The following DLG2 variants were observed in gnomAD, a reference collection of about 807,000 sequenced individuals.
DLG2 encodes discs large MAGUK scaffold protein 2, also known as disks large homolog 2.
A neutral mutation model predicts 132.5 loss-of-function variants in DLG2; 45 were observed. The observed-to-expected ratio is 0.34, with a 90% CI of 0.27 to 0.44. The LOEUF (loss-of-function observed/expected upper bound fraction) is 0.44. DLG2 is among the 20% of genes least tolerant of loss of function. The probability of loss-of-function intolerance (pLI) is 1.00; values close to 1 mark genes in which losing one functional copy is unlikely to be tolerated. For synonymous variants in DLG2, 424 were observed against 419.6 expected, an observed-to-expected ratio of 1.01 and a Z score of -0.13; for missense variants, 1,045 against 1,196.9, an observed-to-expected ratio of 0.87 and a Z score of 1.87.
chr11:84,495,855 T>C (rs2099181539), intron 7 of DLG2, among the ~76,000 whole-genome samples: 2 of 152,154 alleles, frequency 1.3e-5, no homozygotes, highest in African/African-American at 4.8e-5. Flanking sequence ...GAAGAATAAA[T>C]GAAGGGCGGT....
chr11:83,667,422 T>C (rs1324205041), intron 18 of DLG2, among the ~76,000 whole-genome samples: 2 of 152,202 alleles, frequency 1.3e-5, no homozygotes, highest in Admixed American at 1.3e-4. Flanking sequence ...TTGTAAACAA[T>C]TCTGTTTTTA....
chr11:85,041,556 C>G (rs1417391405), intron 6 of DLG2, among the ~76,000 whole-genome samples: 1 of 151,838 alleles, frequency 6.6e-6, no homozygotes, highest in East Asian at 1.9e-4. Flanking sequence ...ATTTTAAAAG[C>G]TCACTATGGG....
intron 9 of DLG2, among the ~76,000 whole-genome samples, chr11:84,140,844 A>C (rs2094812568): frequency 1.3e-5 from 2 of 152,170 alleles, no homozygotes; most frequent in Admixed American, 1.3e-4. Context: ...TAGTGAGAGA[A>C]TGAATATATT....
chr11:83,899,395 G>A (rs1437135043), intron 15 of DLG2, among the ~76,000 whole-genome samples: 2 of 152,170 alleles, frequency 1.3e-5, no homozygotes, highest in Admixed American at 6.6e-5. Flanking sequence ...AGTGATGTTG[G>A]TTCTACTTTT....
rs564786196 is a variant in DLG2 at position 83,771,432 on chromosome 11, G to A, written c.1825+15258C>T. Reference sequence around the variant, plus strand: ...TACAGCAATGTGTTGCTTAACAATGGTGATTATGTCTTTTGGTGTCACGGG... The same window carrying A: ...TACAGCAATGTGTTGCTTAACAATGATGATTATGTCTTTTGGTGTCACGGG... On this transcript the variant is annotated intron_variant, in intron 18 of 27. Coordinates refer to ENST00000376104, the MANE Select transcript of DLG2 (RefSeq NM_001142699.3). 2.0e-5 allele frequency among the ~76,000 whole-genome samples: 3 copies of A among 152,120 alleles called. No individual in the cohort carries two copies. In the East Asian group the frequency reaches 5.8e-4, roughly 29 times the overall value.
chr11:85,484,542 G>C (rs1174039397), intron 3 of DLG2, among the ~76,000 whole-genome samples: 1 of 151,378 alleles, frequency 6.6e-6, no homozygotes, highest in Non-Finnish European at 1.5e-5. Context: ...GTGGGCGAAG[G>C]ACATCAACAG....
chr11:85,096,710 A>C (rs2069864793), intron 6 of DLG2, among the ~76,000 whole-genome samples: 1 of 152,274 alleles, frequency 6.6e-6, no homozygotes, highest in East Asian at 1.9e-4. Flanking sequence ...CCACGAAGGG[A>C]CTATCCCCTA....
chr11:84,655,727 T>C (rs2154547282), intron 6 of DLG2, among the ~76,000 whole-genome samples: 1 of 147,792 alleles, frequency 6.8e-6, no homozygotes, highest in East Asian at 2.0e-4. Flanking sequence ...GTACTTTGTT[T>C]TTTTTTGTTT....
chr11:85,075,976 T>A (rs1296147228), intron 6 of DLG2, among the ~76,000 whole-genome samples: 2 of 151,980 alleles, frequency 1.3e-5, no homozygotes, highest in African/African-American at 2.4e-5. Context: ...CAACACGCCT[T>A]GCCATTTTAC....
intron 6 of DLG2, among the ~76,000 whole-genome samples, chr11:84,648,624 T>G (rs2099677721): frequency 6.6e-6 from 1 of 152,086 alleles, no homozygotes; most frequent in African/African-American, 2.4e-5. Context: ...CTGGGTGCCT[T>G]CCTTTTGGTA....
chr11:85,414,397 T>TG (rs2152985314), intron 3 of DLG2, among the ~76,000 whole-genome samples: 1 of 151,996 alleles, frequency 6.6e-6, no homozygotes, highest in East Asian at 1.9e-4. Context: ...TATCTCTTCC[T>TG]CTTGTCTGAT....
intron 15 of DLG2, among the ~76,000 whole-genome samples, chr11:83,928,026 G>A (rs1166435347): frequency 6.6e-6 from 1 of 151,994 alleles, no homozygotes; most frequent in Non-Finnish European, 1.5e-5. Flanking sequence ...AAGATTTTTG[G>A]TGTCAATGCA....
At chr11:85,560,103 A>G (rs1174354621) in intron 3 of DLG2, among the ~76,000 whole-genome samples, 1 of 151,900 alleles carries the variant, frequency 6.6e-6, no homozygotes, top group Non-Finnish European at 1.5e-5. Context: ...TTGCAAGGAT[A>G]TGGAGAAACT....
chr11:85,356,633 G>C (rs1047291331), intron 3 of DLG2, among the ~76,000 whole-genome samples: 1 of 152,124 alleles, frequency 6.6e-6, no homozygotes, highest in Non-Finnish European at 1.5e-5. Context: ...CTAGTCCATT[G>C]ATCAGTCAAT....
intron 7 of DLG2, among the ~76,000 whole-genome samples, chr11:84,466,292 G>A (rs1281260530): frequency 6.6e-6 from 1 of 151,162 alleles, no homozygotes; most frequent in East Asian, 1.9e-4. Context: ...AGAAAAGAAA[G>A]CTTTTGTAAC....
intron 7 of DLG2, among the ~76,000 whole-genome samples, chr11:84,419,965 C>G (rs2098942966): frequency 6.6e-6 from 1 of 152,134 alleles, no homozygotes; most frequent in Non-Finnish European, 1.5e-5. Flanking sequence ...AAAACCTTTT[C>G]CTACACTCAG....
chr11:84,739,944 C>T (rs1051423182), intron 6 of DLG2, among the ~76,000 whole-genome samples: 1 of 151,878 alleles, frequency 6.6e-6, no homozygotes, highest in African/African-American at 2.4e-5. Context: ...GTCCTTGTGC[C>T]CAGGCCCCAG....
intron 6 of DLG2, among the ~76,000 whole-genome samples, chr11:84,619,272 A>G (rs2099609836): frequency 6.6e-6 from 1 of 151,942 alleles, no homozygotes. Flanking sequence ...AAACAAATAA[A>G]TATTTGTAAA....
intron 7 of DLG2, among the ~76,000 whole-genome samples, chr11:84,292,735 A>C (rs2098021712): frequency 6.6e-6 from 1 of 152,138 alleles, no homozygotes; most frequent in African/African-American, 2.4e-5. Context: ...CTATATCCAA[A>C]AGGTGGTACT....
Sources: gnomAD v4.1 joint callset for allele counts (sites outside exome capture counted in the v4.1 genomes callset) on GRCh38, gnomAD v4.1.1 for gene constraint, MANE v1.5 for transcripts, NCBI Gene and HGNC (gene_info 2026-07-23, HGNC 2026-07-21) for gene names.